ANO6: variants seen among roughly 807,000 people sequenced by gnomAD.
The protein encoded by ANO6 is anoctamin 6.
A neutral mutation model predicts 117.5 loss-of-function variants in ANO6; 106 were observed. The observed-to-expected ratio is 0.90, with a 90% CI of 0.77 to 1.06. The LOEUF (loss-of-function observed/expected upper bound fraction) is 1.06. Among genes scored for constraint, ANO6 ranks in the 50% least tolerant of loss-of-function variants. The pLI, the probability that ANO6 is intolerant of heterozygous loss-of-function variation, is 0.00. For synonymous variants in ANO6, 367 were observed against 385.1 expected (o/e 0.95, Z 0.55); for missense variants, 955 against 1,121.1 (o/e 0.85, Z 2.12).
intron 1 of ANO6, among the ~76,000 whole-genome samples, chr12:45,232,588 C>T (rs1461810895): frequency 6.6e-6 from 1 of 152,186 alleles, no homozygotes; most frequent in African/African-American, 2.4e-5. Context: ...TATGAGAAGG[C>T]TCAAGATGTA....
chr12:45,255,694 A>G (rs902555190), intron 1 of ANO6, among the ~76,000 whole-genome samples: 2 of 152,166 alleles, frequency 1.3e-5, no homozygotes, highest in Non-Finnish European at 2.9e-5. Flanking sequence ...AATTAATGCA[A>G]CAACCGTAGA....
intron 2 of ANO6, among the ~76,000 whole-genome samples, chr12:45,324,272 T>G (rs1262226385): frequency 1.3e-5 from 2 of 152,178 alleles, no homozygotes; most frequent in East Asian, 3.8e-4. Flanking sequence ...TTTTTAAAAT[T>G]GTGTTTTGGA....
intron 8 of ANO6, among the ~76,000 whole-genome samples, chr12:45,365,860 C>G (rs935730668): frequency 1.3e-5 from 2 of 152,152 alleles, no homozygotes; most frequent in Admixed American, 6.5e-5. Context: ...CAGATGACAT[C>G]AAGCACTTGG....
intron 12 of ANO6, among the ~76,000 whole-genome samples, chr12:45,395,575 C>T (rs750586539): frequency 5.3e-5 from 8 of 152,130 alleles, no homozygotes; most frequent in South Asian, 2.1e-4. Context: ...TGATGAACAT[C>T]GATGTGAAAA....
intron 19 of ANO6, among the ~76,000 whole-genome samples, chr12:45,426,959 T>C (rs1262169632): frequency 3.3e-5 from 5 of 151,676 alleles, no homozygotes; most frequent in Non-Finnish European, 7.4e-5. Context: ...CCCTAATAGA[T>C]GTCTCACATC....
At chr12:45,334,124 A>T (rs1000815739) in intron 3 of ANO6, among the ~76,000 whole-genome samples, 1 of 152,096 alleles carries the variant, frequency 6.6e-6, no homozygotes, top group Non-Finnish European at 1.5e-5. Context: ...AAAACACTTA[A>T]GAAACATACC....
intron 1 of ANO6, among the ~76,000 whole-genome samples, chr12:45,219,470 G>T (rs1397819959): frequency 6.6e-6 from 1 of 151,848 alleles, no homozygotes; most frequent in Non-Finnish European, 1.5e-5. Context: ...TGAGTAGCTG[G>T]GACCACAGGC....
At chr12:45,256,679 T>C (rs1320935585) in intron 1 of ANO6, 2 of 152,224 alleles carry the variant, frequency 1.3e-5, no homozygotes, top group African/African-American at 4.8e-5. Flanking sequence ...ATAAAGCATA[T>C]TAAATTCCTT....
chr12:45,342,640 A>T (rs1413769443), intron 3 of ANO6, among the ~76,000 whole-genome samples: 1 of 152,174 alleles, frequency 6.6e-6, no homozygotes. Context: ...TACACTCCTT[A>T]GTTCATTCCG....
intron 9 of ANO6, among the ~76,000 whole-genome samples, chr12:45,372,120 G>A (rs980211628): frequency 1.3e-5 from 2 of 152,298 alleles, no homozygotes; most frequent in East Asian, 3.9e-4. Flanking sequence ...AGCAATGGAA[G>A]ATGAAATGAA....
chr12:45,436,639 A>C (rs1370076657), downstream of ANO6, among the ~76,000 whole-genome samples: 1 of 152,212 alleles, frequency 6.6e-6, no homozygotes, highest in African/African-American at 2.4e-5. Flanking sequence ...TGCATGCAAA[A>C]TTCAAATGAA....
intron 17 of ANO6, among the ~76,000 whole-genome samples, chr12:45,419,743 T>C (rs1419155635): frequency 2.6e-5 from 4 of 152,116 alleles, no homozygotes; most frequent in Non-Finnish European, 1.5e-5. Context: ...GTAAAAATCC[T>C]TTCTCCTTCC....
intron 19 of ANO6, among the ~76,000 whole-genome samples, chr12:45,439,037 A>G (rs1290837051): frequency 6.6e-6 from 1 of 152,232 alleles, no homozygotes; most frequent in Non-Finnish European, 1.5e-5. Context: ...TAATGTTAAG[A>G]ATGACAGTTG....
At chr12:45,404,511 G>A (rs1027835953) in intron 15 of ANO6, among the ~76,000 whole-genome samples, 1 of 152,142 alleles carries the variant, frequency 6.6e-6, no homozygotes, top group Admixed American at 6.5e-5. Context: ...TAGTGGGGCT[G>A]TGTTCATTTC....
At chr12:45,253,573 C>G (rs894006871) in intron 1 of ANO6, among the ~76,000 whole-genome samples, 2 of 152,140 alleles carry the variant, frequency 1.3e-5, no homozygotes, top group East Asian at 1.9e-4. Context: ...CAACCTCTTA[C>G]AACAAGGATT....
intron 2 of ANO6, among the ~76,000 whole-genome samples, chr12:45,329,656 A>T (rs906119176): frequency 1.3e-5 from 2 of 152,118 alleles, no homozygotes; most frequent in Middle Eastern, 3.2e-3. Flanking sequence ...ACAGAGAACA[A>T]GTTGCTTTTT....
At chr12:45,370,396 C>T (rs1403124582) in intron 9 of ANO6, among the ~76,000 whole-genome samples, 1 of 152,224 alleles carries the variant, frequency 6.6e-6, no homozygotes, top group Non-Finnish European at 1.5e-5. Flanking sequence ...AGTACACTTG[C>T]TCTTTCATAA....
Position 45,412,136 on chromosome 12 carries a change from T to C in ANO6, c.2011+2649T>C, listed in dbSNP as rs77091926. On this transcript the variant is annotated intron_variant, in intron 16 of 19. Coordinates refer to ENST00000320560, the MANE Select transcript of ANO6 (RefSeq NM_001025356.3). ...CTGAGCTGTTAACCCAAATTGCTTC[T>C]CTAAGAGTGTTCCTGACTCCAAGTA... Among the ~76,000 whole-genome samples, 1,208 of 152,338 alleles carry C rather than the reference T, an allele frequency of 7.9e-3. 15 individuals are homozygous for C. Among genetic ancestry groups the C allele is most frequent in the African/African-American group, 0.028 (1,163 of 41,568 alleles).
intron 12 of ANO6, among the ~76,000 whole-genome samples, chr12:45,400,674 T>C (rs924426525): frequency 3.3e-5 from 5 of 152,188 alleles, no homozygotes; most frequent in African/African-American, 1.2e-4. Context: ...AGAGAAGATA[T>C]TGAAGCCCCA....
Sources: allele counts gnomAD v4.1 joint callset (sites outside exome capture counted in the v4.1 genomes callset), GRCh38; gene constraint gnomAD v4.1.1; transcripts MANE v1.5; gene names NCBI Gene and HGNC (gene_info 2026-07-23, HGNC 2026-07-21).